Variants in CYRIA observed in about 807,000 individuals in gnomAD.
The protein encoded by CYRIA is CYFIP related Rac1 interactor A, also known as CYFIP-related Rac1 interactor A.
A neutral mutation model predicts 43.9 loss-of-function variants in CYRIA; 15 were observed. That is an observed-to-expected ratio of 0.34 (90% CI 0.23 to 0.53). CYRIA has a LOEUF of 0.53. Ranked by LOEUF, CYRIA falls within the 20% of genes least tolerant of loss-of-function variation. CYRIA has a pLI of 0.94. For synonymous variants in CYRIA, 117 were observed against 136.0 expected (o/e 0.86, Z 0.97); for missense variants, 236 against 394.2 (o/e 0.60, Z 3.40).
intron 3 of CYRIA, among the ~76,000 whole-genome samples, chr2:16,571,732 G>A (rs1044503078): frequency 6.6e-6 from 1 of 152,110 alleles, no homozygotes; most frequent in Non-Finnish European, 1.5e-5. Flanking sequence ...CTGAAAAAAA[G>A]TACAGCAAAA....
At chr2:16,581,542 C>T (rs1253093935) in intron 3 of CYRIA, among the ~76,000 whole-genome samples, 2 of 146,308 alleles carry the variant, frequency 1.4e-5, no homozygotes, top group African/African-American at 5.0e-5. Context: ...TTCACAGTTT[C>T]TTTTTTTTTT....
At chr2:16,656,504 C>T (rs1039614269) in intron 1 of CYRIA, among the ~76,000 whole-genome samples, 1 of 152,118 alleles carries the variant, frequency 6.6e-6, no homozygotes, top group Non-Finnish European at 1.5e-5. Context: ...AAACCAAAGG[C>T]CTTCAGGATC....
At chr2:16,554,987 G>T in intron 11 of CYRIA, 82 bp downstream of exon 11, 1 of 1,026,550 alleles carries the variant, frequency 9.7e-7, no homozygotes, top group Non-Finnish European at 1.5e-6. Context: ...TAAGTTTGGT[G>T]CTATCCACAA....
rs1452537870 is a variant in CYRIA at position 16,633,569 on chromosome 2, TTTTC to T, written c.-166-9554_-166-9551del. Among the ~76,000 whole-genome samples, 30 of 58,032 alleles carry T rather than the reference TTTTC, an allele frequency of 5.2e-4. 5 individuals are homozygous for T. The East Asian group carries it at 0.064, about 124-fold the overall frequency. 38.1% of individuals were successfully genotyped at this position (58,032 alleles called of 152,430 possible). A position where few individuals can be genotyped will look rare whatever the true frequency, so the allele number is the denominator to read the frequency against. ...TTTTTTTTTTTTTTTTTTTTTTTTT[TTTTC>T]TGTAGAGAAGGGGTTTCACCATGTT... On this transcript the variant is annotated intron_variant, in intron 1 of 11. Coordinates refer to ENST00000381323, the MANE Select transcript of CYRIA (RefSeq NM_030797.4).
chr2:16,622,194 A>C (rs2103508310), intron 2 of CYRIA, among the ~76,000 whole-genome samples: 1 of 152,304 alleles, frequency 6.6e-6, no homozygotes, highest in East Asian at 1.9e-4. Context: ...GTCTGAAGGG[A>C]AAAAGCCACC....
intron 3 of CYRIA, among the ~76,000 whole-genome samples, chr2:16,568,001 A>C (rs1235504560): frequency 2.0e-5 from 3 of 152,128 alleles, no homozygotes; most frequent in Non-Finnish European, 4.4e-5. Context: ...ACAAACAAAC[A>C]AACCTGCTAG....
chr2:16,592,289 C>T (rs1667959673), intron 2 of CYRIA, among the ~76,000 whole-genome samples: 1 of 152,070 alleles, frequency 6.6e-6, no homozygotes. Context: ...GATACTCAAA[C>T]TGGTATAAGG....
At chr2:16,591,730 A>G (rs1667936954) in intron 2 of CYRIA, among the ~76,000 whole-genome samples, 2 of 152,118 alleles carry the variant, frequency 1.3e-5, no homozygotes, top group African/African-American at 2.4e-5. Flanking sequence ...CTATGGTGTG[A>G]GAGCTTATAT....
At chr2:16,572,485 T>C (rs1667168448) in intron 3 of CYRIA, among the ~76,000 whole-genome samples, 1 of 152,076 alleles carries the variant, frequency 6.6e-6, no homozygotes. Context: ...TTATCAAGCC[T>C]CCTCTGAACA....
chr2:16,575,864 AAAAATAAATAAAT>A (rs1301449258), intron 3 of CYRIA, among the ~76,000 whole-genome samples: 1 of 143,344 alleles, frequency 7.0e-6, no homozygotes, highest in East Asian at 2.0e-4. Flanking sequence ...TCAAAAAAAT[AAAAATAAATAAAT>A]AAAATAAATA....
rs920359150 is a variant in CYRIA, at chr2:16,607,387, G to T, written c.-11+16477C>A. Reference sequence around the variant, plus strand: ...AGAATACAGAGTTAGCTGAGTCGACGAAGTTAGCCATGGTTAGCATAAACG... The same window carrying T: ...AGAATACAGAGTTAGCTGAGTCGACTAAGTTAGCCATGGTTAGCATAAACG... On this transcript the variant is annotated intron_variant, in intron 2 of 11. Transcript: ENST00000381323. Among the ~76,000 whole-genome samples the T allele has an allele frequency of 2.0e-5, 3 of 152,246 alleles. No homozygotes were observed. The South Asian group carries it at 6.2e-4, about 32-fold the overall frequency.
At chr2:16,629,570 G>A (rs1669265390) in intron 1 of CYRIA, among the ~76,000 whole-genome samples, 1 of 152,190 alleles carries the variant, frequency 6.6e-6, no homozygotes, top group African/African-American at 2.4e-5. Flanking sequence ...TCGAGGCCAG[G>A]GATTTTCAGA....
At chr2:16,631,024 A>T (rs1370429177) in intron 1 of CYRIA, among the ~76,000 whole-genome samples, 1 of 152,086 alleles carries the variant, frequency 6.6e-6, no homozygotes, top group Non-Finnish European at 1.5e-5. Context: ...CTTGGTCTTG[A>T]CCCGGGTCTA....
intron 3 of CYRIA, among the ~76,000 whole-genome samples, chr2:16,572,601 G>C (rs557963628): frequency 6.6e-6 from 1 of 152,248 alleles, no homozygotes; most frequent in African/African-American, 2.4e-5. Flanking sequence ...CAGATGATAG[G>C]CTGATCTGAC....
In CYRIA at chr2:16,561,107, C is replaced by T. The variant is rs377025656; in HGVS notation, c.631-38G>A. On this transcript the variant is annotated intron_variant, in intron 8 of 11. Coordinates refer to ENST00000381323, the MANE Select transcript of CYRIA (RefSeq NM_030797.4). ...CACAAATGTACATTAGTCCTGCTTG[C>T]AGCTCTTGTGTGGAATTAAGGAAAA... The T allele has an allele frequency of 1.9e-6, 3 of 1,610,488 alleles. No individual in the cohort carries two copies. In the African/African-American group the frequency reaches 4.0e-5, roughly 21 times the overall value.
chr2:16,565,758 G>C lies in CYRIA; in HGVS notation c.80C>G (p.Pro27Arg). The change falls in exon 4 of 12, where the codon CCT becomes CGT. Residue 27 changes from proline (P) to arginine (R), a missense_variant. Pro to Arg is a moderately radical substitution (Grantham distance 103, BLOSUM62 -2). Around this residue, in one of 3 missense-constraint regions of CYRIA, gnomAD observed 193 missense variants for 303.9 expected, o/e 0.64. Transcript: ENST00000381323. The part of the protein sequence containing the change: ...HFFLDFENAQ[P>R]TEGEREIWNQ... ...CCAGATTTCTCTCTCTCCTTCTGTA[G>C]GCTGAGCATCTAAGAAACAGGGAAA... The C allele has an allele frequency of 6.4e-7, 1 of 1,572,686 alleles. No individual in the cohort carries two copies. The highest frequency in any genetic ancestry group is 8.7e-7 in the Non-Finnish European group (1 of 1,149,066).
chr2:16,641,909 G>A (rs1049179576), intron 1 of CYRIA, among the ~76,000 whole-genome samples: 1 of 152,204 alleles, frequency 6.6e-6, no homozygotes, highest in African/African-American at 2.4e-5. Flanking sequence ...TGACACAATT[G>A]AGTTATCATC....
At chr2:16,615,633 A>G (rs1385051284) in intron 2 of CYRIA, among the ~76,000 whole-genome samples, 1 of 152,174 alleles carries the variant, frequency 6.6e-6, no homozygotes, top group African/African-American at 2.4e-5. Context: ...GGTAGACCCA[A>G]TGATCCCTCA....
intron 2 of CYRIA, among the ~76,000 whole-genome samples, chr2:16,599,673 T>A (rs1668132187): frequency 1.3e-5 from 2 of 150,302 alleles, no homozygotes; most frequent in South Asian, 4.3e-4. Context: ...CAGATGGAAA[T>A]GCAGAAATCA....
Sources: allele counts gnomAD v4.1 joint callset (sites outside exome capture counted in the v4.1 genomes callset), GRCh38; gene constraint gnomAD v4.1.1; regional missense constraint gnomAD v4.1.1; transcripts MANE v1.5; gene names NCBI Gene and HGNC (gene_info 2026-07-23, HGNC 2026-07-21).